Variants in MMP26 observed in about 807,000 individuals in gnomAD.
The protein encoded by MMP26 is matrix metalloproteinase-26.
Under a neutral mutation model 31.0 loss-of-function variants are expected in MMP26, and 33 were observed. The ratio of observed to expected loss-of-function variants is 1.06; its 90% CI spans 0.81 to 1.42. The LOEUF (loss-of-function observed/expected upper bound fraction) is 1.42. Ranked by LOEUF, MMP26 falls within the 40% of genes most tolerant of loss-of-function variation. The pLI, the probability that MMP26 is intolerant of heterozygous loss-of-function variation, is 0.00. For missense variants in MMP26, 347 were observed against 316.1 expected (o/e 1.10, Z -0.74); for synonymous variants, 122 against 114.9 (o/e 1.06, Z -0.40).
rs527640209 is a variant in MMP26 at position 4,849,025 on chromosome 11, C to A, written c.-145+81684C>A. 83 of 1,613,968 alleles carry A rather than the reference C, an allele frequency of 5.1e-5. No individual in the cohort carries two copies. The South Asian group carries it at 8.3e-4, about 16-fold the overall frequency. ...AAGAAGTGCATTGGGCGGTGCAGGG[C>A]GGGCTGCAGGGCAATGATCCAGAGG... On this transcript the variant is annotated intron_variant, in intron 2 of 7. Transcript: ENST00000380390.
At chr11:4,804,368 A>G in intron 2 of MMP26, 1 of 1,614,064 alleles carries the variant, frequency 6.2e-7, no homozygotes. Flanking sequence ...CTGTTCCCTG[A>G]AGCCAGCACC....
intron 2 of MMP26, among the ~76,000 whole-genome samples, chr11:4,933,632 T>C (rs1851386174): frequency 6.6e-6 from 1 of 151,878 alleles, no homozygotes; most frequent in Admixed American, 6.6e-5. Flanking sequence ...TGCAGGTTAG[T>C]TACATATGTA....
At chr11:4,914,117 T>C (rs1851035562) in intron 2 of MMP26, 1 of 152,100 alleles carries the variant, frequency 6.6e-6, no homozygotes, top group Non-Finnish European at 1.5e-5. Context: ...GCTGGAAGGT[T>C]GGGGAATGGA....
At chr11:4,723,635 T>C (rs1848051037) in intron 1 of MMP26, 1 of 873,342 alleles carries the variant, frequency 1.1e-6, no homozygotes, top group Non-Finnish European at 2.0e-6. Context: ...GCACACTTAT[T>C]GATCTCATCC....
chr11:4,950,521 G>A lies in MMP26; in HGVS notation c.-144-37547G>A, dbSNP rs1178703495. ...AGTAGCATGATGAATACTAGATGAT[G>A]GGGATGGGGGGAGTCTGGAGATGAT... On this transcript the variant is annotated intron_variant, in intron 2 of 7. Transcript: ENST00000380390. 2.5e-5 allele frequency among the ~76,000 whole-genome samples: 3 copies of A among 119,428 alleles called. 1 individual carries two copies. The highest frequency in any genetic ancestry group is 5.1e-4 in the South Asian group (2 of 3,912). The allele number at this position is 119,428 out of a possible 152,430, so 78.3% of individuals were successfully genotyped here.
chr11:4,723,266 A>T (rs1203834994), intron 1 of MMP26: 3 of 1,129,994 alleles, frequency 2.7e-6, no homozygotes, highest in South Asian at 1.2e-5. Flanking sequence ...CATCTTGCAG[A>T]TCTCAGTCTT....
chr11:4,866,662 T>C (rs929532498), intron 2 of MMP26, among the ~76,000 whole-genome samples: 1 of 152,020 alleles, frequency 6.6e-6, no homozygotes, highest in African/African-American at 2.4e-5. Context: ...TTGGAGGCAT[T>C]ACGCCACCTG....
chr11:4,933,716 C>T (rs559421078), intron 2 of MMP26, among the ~76,000 whole-genome samples: 2 of 132,824 alleles, frequency 1.5e-5, no homozygotes, highest in South Asian at 6.0e-4. Flanking sequence ...AATGCTATTC[C>T]TCCCCCCTCC....
At chr11:4,722,846 G>A (rs1483940360) in intron 1 of MMP26, 4 of 858,244 alleles carry the variant, frequency 4.7e-6, no homozygotes, top group South Asian at 1.3e-5. Flanking sequence ...AGCTGGAGCC[G>A]CGCCAGAGCC....
At chr11:4,809,017 T>G (rs1849315167) in intron 2 of MMP26, among the ~76,000 whole-genome samples, 2 of 151,914 alleles carry the variant, frequency 1.3e-5, no homozygotes, top group Non-Finnish European at 2.9e-5. Flanking sequence ...TAGCCATTTT[T>G]GTCCAGCATG....
chr11:4,817,310 A>G (rs577536344), intron 2 of MMP26, among the ~76,000 whole-genome samples: 1 of 152,286 alleles, frequency 6.6e-6, no homozygotes, highest in Non-Finnish European at 1.5e-5. Flanking sequence ...GAGGTTGGGC[A>G]TGGTGATTTA....
chr11:4,867,387 C>CTTTTT lies in MMP26; in HGVS notation c.-145+100065_-145+100069dup, dbSNP rs3065176. ...TACAAAACCACAATGAGATGCTGTC[C>CTTTTT]TTTTTTTTTTTTTTTTTTTTTTTGA... is the stretch of plus-strand genomic sequence containing the variant. On this transcript the variant is annotated intron_variant, in intron 2 of 7. Transcript: ENST00000380390. Among the ~76,000 whole-genome samples, 126 of 98,242 alleles carry CTTTTT rather than the reference C, an allele frequency of 1.3e-3. 1 individual carries two copies. The highest frequency in any genetic ancestry group is 1.6e-3 in the African/African-American group (39 of 24,660). The allele number at this position is 98,242 out of a possible 152,430, so 64.5% of individuals were successfully genotyped here.
At position 4,992,021 on chromosome 11, in the gene MMP26, A is replaced by AG; in HGVS notation, c.653_654insG (p.His218GlnfsTer19). 6.2e-7 allele frequency: 1 copy of AG among 1,613,386 alleles called. No homozygotes were observed. The highest frequency in any genetic ancestry group is 8.5e-7 in the Non-Finnish European group (1 of 1,179,900). On this transcript the variant is annotated frameshift_variant, in exon 7 of 8. Coordinates refer to ENST00000380390, the MANE Select transcript of MMP26 (RefSeq NM_021801.5). LOFTEE classifies it high-confidence loss of function. Reference sequence around the variant, plus strand: ...ATTGGGCATTCTTTGGGCCTGCAGCACTCTGGGAATCAGAGCTCCATAATG... The same window carrying AG: ...ATTGGGCATTCTTTGGGCCTGCAGCAGCTCTGGGAATCAGAGCTCCATAATG...
At chr11:4,911,073 C>T (rs986485192) in intron 2 of MMP26, among the ~76,000 whole-genome samples, 6 of 152,098 alleles carry the variant, frequency 3.9e-5, no homozygotes, top group Non-Finnish European at 7.4e-5. Context: ...TGGATAAATA[C>T]GAAACCTGCA....
intron 2 of MMP26, among the ~76,000 whole-genome samples, chr11:4,893,920 G>A (rs183994315): frequency 1.1e-3 from 162 of 151,500 alleles, no homozygotes; most frequent in Non-Finnish European, 2.0e-3. Context: ...GGCAATATAG[G>A]GAGACCTTGT....
At chr11:4,780,070 C>T (rs1447087115) in intron 2 of MMP26, among the ~76,000 whole-genome samples, 1 of 152,076 alleles carries the variant, frequency 6.6e-6, no homozygotes, top group African/African-American at 2.4e-5. Context: ...TGTGGGTATA[C>T]ATCAACTTAT....
At chr11:4,788,447 G>A (rs954601268) in intron 2 of MMP26, among the ~76,000 whole-genome samples, 2 of 152,006 alleles carry the variant, frequency 1.3e-5, no homozygotes. Flanking sequence ...TGGCTTCTAA[G>A]AAGCAAAAGC....
intron 2 of MMP26, among the ~76,000 whole-genome samples, chr11:4,885,950 T>C: frequency 6.6e-6 from 1 of 152,100 alleles, no homozygotes; most frequent in East Asian, 1.9e-4. Context: ...TTACTTGTTT[T>C]CTTCACCATC....
chr11:4,705,498 G>T (rs1463638446), intron 1 of MMP26, among the ~76,000 whole-genome samples: 2 of 152,188 alleles, frequency 1.3e-5, no homozygotes, highest in African/African-American at 2.4e-5. Flanking sequence ...AAGCTTTGTT[G>T]TGAGGGCTGT....
Sources: gnomAD v4.1 joint callset for allele counts (sites outside exome capture counted in the v4.1 genomes callset) on GRCh38, gnomAD v4.1.1 for gene constraint, MANE v1.5 for transcripts, NCBI Gene and HGNC (gene_info 2026-07-23, HGNC 2026-07-21) for gene names.